The following MAML3 variants were observed in gnomAD, a reference collection of about 807,000 sequenced individuals.
MAML3 encodes the protein mastermind-like protein 3.
A neutral mutation model predicts 101.9 loss-of-function variants in MAML3; 27 were observed. The observed-to-expected ratio is 0.27, with a 90% CI of 0.20 to 0.37. MAML3 has a LOEUF of 0.37. Among genes scored for constraint, MAML3 ranks in the 10% least tolerant of loss-of-function variants. The pLI is 1.00. For missense variants in MAML3, 1,316 were observed against 1,444.9 expected (o/e 0.91, Z 1.45); for synonymous variants, 501 against 555.9 (o/e 0.90, Z 1.39).
chr4:140,151,908 C>A (rs1234937394), intron 1 of MAML3, among the ~76,000 whole-genome samples: 6 of 152,236 alleles, frequency 3.9e-5, no homozygotes, highest in African/African-American at 1.4e-4. Flanking sequence ...CTCCCTGCTA[C>A]CTTCCATTGC....
chr4:139,848,872 T>C (rs1186755606), intron 2 of MAML3, among the ~76,000 whole-genome samples: 1 of 152,200 alleles, frequency 6.6e-6, no homozygotes, highest in Non-Finnish European at 1.5e-5. Context: ...GCTATGAAAT[T>C]ACACCAAATG....
chr4:139,868,511 G>A (rs1285908805), intron 2 of MAML3, among the ~76,000 whole-genome samples: 2 of 152,116 alleles, frequency 1.3e-5, no homozygotes, highest in East Asian at 1.9e-4. Flanking sequence ...GTTAAGCAAA[G>A]CCTGGGCCCT....
chr4:139,948,182 T>C (rs933568318), intron 1 of MAML3, among the ~76,000 whole-genome samples: 3 of 151,960 alleles, frequency 2.0e-5, no homozygotes, highest in East Asian at 3.8e-4. Context: ...CGTGGAAATA[T>C]ACAAAACAAA....
At chr4:139,952,978 A>G (rs1378689891) in intron 1 of MAML3, among the ~76,000 whole-genome samples, 2 of 152,214 alleles carry the variant, frequency 1.3e-5, no homozygotes, top group Admixed American at 1.3e-4. Flanking sequence ...AAAAAAACTC[A>G]TATTTGAGGT....
intron 1 of MAML3, among the ~76,000 whole-genome samples, chr4:139,902,189 CCA>C (rs901124969): frequency 4.6e-5 from 7 of 152,146 alleles, no homozygotes; most frequent in African/African-American, 1.7e-4. Flanking sequence ...AAGAGAATTT[CCA>C]GTTTCTCTCA....
At chr4:139,771,174 C>T (rs189104447) in intron 2 of MAML3, among the ~76,000 whole-genome samples, 6 of 152,320 alleles carry the variant, frequency 3.9e-5, no homozygotes, top group African/African-American at 1.2e-4. Flanking sequence ...GCACATCAAA[C>T]GAGAAGCCCT....
At chr4:139,732,974 A>T (rs527263171) in intron 2 of MAML3, among the ~76,000 whole-genome samples, 1 of 152,214 alleles carries the variant, frequency 6.6e-6, no homozygotes, top group Admixed American at 6.5e-5. Context: ...AATGCCAGGA[A>T]CCTTTGTGCT....
At chr4:139,989,900 G>A (rs922259838) in intron 1 of MAML3, among the ~76,000 whole-genome samples, 1 of 150,164 alleles carries the variant, frequency 6.7e-6, no homozygotes, top group African/African-American at 2.5e-5. Flanking sequence ...GAGAGAGAGA[G>A]AAAGAGAGAG....
chr4:139,771,987 C>T (rs1236480876), intron 2 of MAML3, among the ~76,000 whole-genome samples: 1 of 149,656 alleles, frequency 6.7e-6, no homozygotes, highest in Admixed American at 6.6e-5. Context: ...CGCCTGTAAT[C>T]CCAGCACTTT....
intron 1 of MAML3, among the ~76,000 whole-genome samples, chr4:139,899,048 T>C (rs1182438976): frequency 1.3e-5 from 2 of 152,180 alleles, no homozygotes; most frequent in Non-Finnish European, 2.9e-5. Context: ...GTAGCCCAGA[T>C]TGGGACACAA....
At chr4:140,151,695 G>GA (rs999797311) in intron 1 of MAML3, among the ~76,000 whole-genome samples, 5 of 149,704 alleles carry the variant, frequency 3.3e-5, no homozygotes, top group East Asian at 2.1e-4. Flanking sequence ...CGGTGCGGGG[G>GA]GGGGGGGCAC....
Position 139,997,127 on chromosome 4 carries a change from T to C in MAML3, c.469-106160A>G, listed in dbSNP as rs574233374. Among the ~76,000 whole-genome samples, 3 of 149,742 alleles carry C rather than the reference T, an allele frequency of 2.0e-5. No homozygotes were observed. In the East Asian group the frequency reaches 5.9e-4, roughly 29 times the overall value. ...ACTCTGTCTCAAAAAAATATTTATA[T>C]ATATATGTGTATATATATATACACA... On this transcript the variant is annotated intron_variant, in intron 1 of 4. Coordinates refer to ENST00000509479, the MANE Select transcript of MAML3 (RefSeq NM_018717.5).
chr4:139,723,493 G>C (rs1728342336), intron 4 of MAML3, among the ~76,000 whole-genome samples: 1 of 152,084 alleles, frequency 6.6e-6, no homozygotes, highest in Non-Finnish European at 1.5e-5. Context: ...TGTATTTTTA[G>C]TAGAGACGGG....
At chr4:140,049,672 C>T (rs1560877387) in intron 1 of MAML3, among the ~76,000 whole-genome samples, 6 of 150,220 alleles carry the variant, frequency 4.0e-5, no homozygotes, top group Non-Finnish European at 5.9e-5. Flanking sequence ...TGTTGCCTTC[C>T]TTTTTTTTTA....
intron 1 of MAML3, among the ~76,000 whole-genome samples, chr4:139,899,518 G>C (rs184453919): frequency 6.6e-6 from 1 of 151,830 alleles, no homozygotes; most frequent in South Asian, 2.1e-4. Context: ...TCTGCGTGTC[G>C]GGCTCTGCGC....
intron 2 of MAML3, among the ~76,000 whole-genome samples, chr4:139,794,962 C>T (rs541770756): frequency 1.1e-4 from 16 of 152,004 alleles, no homozygotes; most frequent in African/African-American, 2.2e-4. Flanking sequence ...CTGAAGTTTT[C>T]GAGGAAAAAA....
chr4:139,953,155 A>G (rs2110761521), intron 1 of MAML3, among the ~76,000 whole-genome samples: 1 of 152,346 alleles, frequency 6.6e-6, no homozygotes, highest in Non-Finnish European at 1.5e-5. Flanking sequence ...ATACACTTCT[A>G]TATGCTTGAG....
chr4:140,068,732 C>G (rs1475868697), intron 1 of MAML3, among the ~76,000 whole-genome samples: 3 of 152,034 alleles, frequency 2.0e-5, no homozygotes, highest in Non-Finnish European at 4.4e-5. Flanking sequence ...TATGTAAATA[C>G]CTATAAAAGA....
At chr4:139,892,316 C>CATTT (rs1351790454) in intron 1 of MAML3, among the ~76,000 whole-genome samples, 1 of 152,180 alleles carries the variant, frequency 6.6e-6, no homozygotes, top group Non-Finnish European at 1.5e-5. Context: ...AGTATCTATC[C>CATTT]ATTTATTCAA....
Sources: allele counts gnomAD v4.1 joint callset (sites outside exome capture counted in the v4.1 genomes callset), GRCh38; gene constraint gnomAD v4.1.1; transcripts MANE v1.5; gene names NCBI Gene and HGNC (gene_info 2026-07-23, HGNC 2026-07-21).